The following JARID2 variants were observed in gnomAD, a reference collection of about 807,000 sequenced individuals.
JARID2 encodes the protein protein Jumonji.
Under a neutral mutation model 125.6 loss-of-function variants are expected in JARID2, and 21 were observed. The observed-to-expected ratio is 0.17, with a 90% CI of 0.12 to 0.24. The LOEUF (loss-of-function observed/expected upper bound fraction) is 0.24. Ranked by LOEUF, JARID2 falls within the 10% of genes least tolerant of loss-of-function variation. JARID2 has a pLI of 1.00. For missense variants in JARID2, 1,303 were observed against 1,639.6 expected, an observed-to-expected ratio of 0.79 and a Z score of 3.55; for synonymous variants, 736 against 661.6, an observed-to-expected ratio of 1.11 and a Z score of -1.73.
chr6:15,512,495 T>C (rs972039499), intron 14 of JARID2, 105 bp downstream of exon 14: 13 of 1,049,248 alleles, frequency 1.2e-5, no homozygotes, highest in African/African-American at 3.2e-5. Context: ...TATTTGTCAA[T>C]AGTTCCTTTT....
intron 6 of JARID2, among the ~76,000 whole-genome samples, chr6:15,492,854 T>A (rs1770221725): frequency 6.6e-6 from 1 of 152,190 alleles, no homozygotes; most frequent in African/African-American, 2.4e-5. Flanking sequence ...TTGAGCTTGT[T>A]ATATGGGCAT....
In JARID2 at chr6:15,520,191, C is replaced by T. The variant is rs769330285; in HGVS notation, c.3681C>T (p.Asp1227=). 3.7e-5 allele frequency: 59 copies of T among 1,613,570 alleles called. No homozygotes were observed. Among genetic ancestry groups the T allele is most frequent in the East Asian group, 1.6e-4 (7 of 44,838 alleles). Residue 1227 remains aspartate, a synonymous_variant, in exon 18 of 18, where the codon GAC becomes GAT. Transcript: ENST00000341776. Reference sequence around the variant, plus strand: ...GTCCCCGCAAGAGAGCGACAGTGGACGTGCCCCCCTCCCGTCTGTCAGCCT... The same window carrying T: ...GTCCCCGCAAGAGAGCGACAGTGGATGTGCCCCCCTCCCGTCTGTCAGCCT... ...KRGPRKRATV[D]VPPSRLSASS...
Position 15,521,778 on chromosome 6 carries a change from T to TAACAA in JARID2, c.*1528_*1532dup, listed in dbSNP as rs764463757. Reference sequence around the variant, plus strand: ...GAAGACTGAACTGTTTTGGAATATTTAACAATTACAGAAACAGTCAAGTGT... The same window carrying TAACAA: ...GAAGACTGAACTGTTTTGGAATATTTAACAAAACAATTACAGAAACAGTCAAGTGT... On this transcript the variant is annotated 3_prime_UTR_variant, in exon 18 of 18. Transcript: ENST00000341776. 3.9e-5 allele frequency: 6 copies of TAACAA among 152,244 alleles called. No homozygotes were observed. Among genetic ancestry groups the TAACAA allele is most frequent in the Non-Finnish European group, 5.9e-5 (4 of 68,044 alleles). 9.4% of individuals were successfully genotyped at this position (152,244 alleles called of 1,614,324 possible).
intron 4 of JARID2, among the ~76,000 whole-genome samples, chr6:15,468,297 T>C (rs1258354345): frequency 1.3e-5 from 2 of 152,068 alleles, no homozygotes; most frequent in African/African-American, 4.8e-5. Context: ...TCAAGAGATA[T>C]TCAGATGAGA....
At chr6:15,379,751 T>A (rs1319030340) in intron 2 of JARID2, among the ~76,000 whole-genome samples, 1 of 152,152 alleles carries the variant, frequency 6.6e-6, no homozygotes, top group African/African-American at 2.4e-5. Context: ...AACAAGCAAT[T>A]TTATAGGTGA....
chr6:15,311,594 A>G (rs1225905189), intron 1 of JARID2, among the ~76,000 whole-genome samples: 1 of 152,190 alleles, frequency 6.6e-6, no homozygotes, highest in African/African-American at 2.4e-5. Context: ...AGAAAGAAAA[A>G]GAAAAAGTCT....
chr6:15,377,486 G>A (rs376146713), intron 2 of JARID2, among the ~76,000 whole-genome samples: 2 of 152,162 alleles, frequency 1.3e-5, no homozygotes, highest in East Asian at 3.9e-4. Flanking sequence ...TAATGGTGGT[G>A]GTTTTTTGTG....
intron 5 of JARID2, among the ~76,000 whole-genome samples, chr6:15,470,611 A>G (rs1412641253): frequency 5.3e-5 from 8 of 152,140 alleles, no homozygotes; most frequent in Admixed American, 2.0e-4. Flanking sequence ...AGAGGGTGCA[A>G]TCTCTTTTTA....
intron 5 of JARID2, among the ~76,000 whole-genome samples, chr6:15,478,987 C>T (rs1769484284): frequency 6.6e-6 from 1 of 152,144 alleles, no homozygotes; most frequent in Admixed American, 6.5e-5. Flanking sequence ...TTATGAAACC[C>T]AAAACTGCAG....
At chr6:15,427,869 G>A (rs1248611497) in intron 3 of JARID2, among the ~76,000 whole-genome samples, 2 of 152,054 alleles carry the variant, frequency 1.3e-5, no homozygotes, top group Non-Finnish European at 2.9e-5. Flanking sequence ...GCTTATATGG[G>A]GTTGTTAGAC....
rs34326651 is a variant in JARID2 at position 15,374,197 on chromosome 6, T to C, written c.126T>C (p.Asn42=). The C allele has an allele frequency of 0.048, 77,859 of 1,613,688 alleles. 2,206 individuals are homozygous for C. Among genetic ancestry groups the C allele is most frequent in the Admixed American group, 0.1 (6,032 of 59,948 alleles). The change falls in exon 2 of 18, where the codon AAT becomes AAC. Residue 42 remains asparagine, a synonymous_variant. Transcript: ENST00000341776. ...VLYLSLKEFK[N]SQKRQHAEGI... is the part of the protein sequence containing the mutation. ...ATTTGTCTCTGAAGGAGTTCAAGAA[T>C]TCCCAGAAGAGGCAGCATGCGGAAG...
chr6:15,374,374 T>C lies in JARID2; in HGVS notation c.181+122T>C, dbSNP rs1372141619. ...GGTCTAGGCACCTAAAGGCAGTCTG[T>C]AGGCTAGGTGAATCTGCACTGCAGA... is the stretch of plus-strand genomic sequence containing the variant. On this transcript the variant is annotated intron_variant, in intron 2 of 17. Transcript: ENST00000341776. 4.0e-6 allele frequency: 4 copies of C among 992,354 alleles called. No individual in the cohort carries two copies. In the African/African-American group the frequency reaches 4.8e-5, roughly 12 times the overall value. The allele number at this position is 992,354 out of a possible 1,614,324, so 61.5% of individuals were successfully genotyped here. A position where few individuals can be genotyped will look rare whatever the true frequency, so the allele number is the denominator to read the frequency against.
At chr6:15,249,125 T>C (rs180858549) in intron 1 of JARID2, among the ~76,000 whole-genome samples, 1 of 152,360 alleles carries the variant, frequency 6.6e-6, no homozygotes, top group East Asian at 1.9e-4. Context: ...ACTAGCGTGG[T>C]GCATGTGTCC....
At chr6:15,317,173 A>AT (rs1338928597) in intron 1 of JARID2, among the ~76,000 whole-genome samples, 1 of 152,150 alleles carries the variant, frequency 6.6e-6, no homozygotes, top group Non-Finnish European at 1.5e-5. Flanking sequence ...ATCAGAAATA[A>AT]TTTCTTCCTG....
At chr6:15,415,463 C>G (rs1258701679) in intron 3 of JARID2, among the ~76,000 whole-genome samples, 1 of 146,274 alleles carries the variant, frequency 6.8e-6, no homozygotes, top group Non-Finnish European at 1.5e-5. Context: ...CCACCTCCCT[C>G]CCGCACGGGG....
chr6:15,508,062 C>G (rs962753498), intron 11 of JARID2, among the ~76,000 whole-genome samples: 1 of 152,244 alleles, frequency 6.6e-6, no homozygotes, highest in Non-Finnish European at 1.5e-5. Flanking sequence ...CCGTGGGCGG[C>G]CGGTTCCTCG....
intron 9 of JARID2, among the ~76,000 whole-genome samples, chr6:15,506,076 A>G (rs1227023605): frequency 6.6e-6 from 1 of 152,252 alleles, no homozygotes; most frequent in Admixed American, 6.5e-5. Flanking sequence ...TTGCTCTAGC[A>G]GTTGTGTAAA....
At chr6:15,423,068 C>T (rs946404486) in intron 3 of JARID2, among the ~76,000 whole-genome samples, 13 of 149,384 alleles carry the variant, frequency 8.7e-5, no homozygotes, top group African/African-American at 2.7e-4. Flanking sequence ...GTTACGATAT[C>T]GGCACACTGT....
intron 1 of JARID2, among the ~76,000 whole-genome samples, chr6:15,251,053 T>C (rs968956406): frequency 5.3e-5 from 8 of 152,148 alleles, no homozygotes; most frequent in African/African-American, 1.9e-4. Flanking sequence ...AGGGTCTTGC[T>C]CAGCCACCCA....
Sources: gnomAD v4.1 joint callset for allele counts (sites outside exome capture counted in the v4.1 genomes callset) on GRCh38, gnomAD v4.1.1 for gene constraint, MANE v1.5 for transcripts, NCBI Gene and HGNC (gene_info 2026-07-23, HGNC 2026-07-21) for gene names.